Variants in CHODL observed in about 807,000 individuals in gnomAD.
CHODL encodes transmembrane protein MT75.
A neutral mutation model predicts 34.5 loss-of-function variants in CHODL; 29 were observed. The observed-to-expected ratio is 0.84, with a 90% CI of 0.63 to 1.15. The LOEUF (loss-of-function observed/expected upper bound fraction) is 1.15. Among genes scored for constraint, CHODL ranks in the 50% most tolerant of loss-of-function variants. The pLI is 0.00. For missense variants in CHODL, 332 were observed against 332.5 expected, an observed-to-expected ratio of 1.00 and a Z score of 0.01; for synonymous variants, 125 against 116.1, an observed-to-expected ratio of 1.08 and a Z score of -0.49.
chr21:18,248,498 T>C (rs2146787334), intron 1 of CHODL, among the ~76,000 whole-genome samples: 1 of 148,618 alleles, frequency 6.7e-6, no homozygotes, highest in South Asian at 2.1e-4. Context: ...CAACTGCTGT[T>C]TGTCATCATT....
Position 18,065,341 on chromosome 21 carries a change from C to T in CHODL, c.-45+37370C>T, listed in dbSNP as rs538158028. Among the ~76,000 whole-genome samples the T allele has an allele frequency of 2.4e-4, 36 of 152,248 alleles. No individual in the cohort carries two copies. The South Asian group carries it at 7.5e-3, about 32-fold the overall frequency. ...CTAAACCCTAACAGACTGCTTGGAC[C>T]ATAACATGCACCAAAAAATATTGTA... On this transcript the variant is annotated intron_variant, in intron 2 of 6. Transcript: ENST00000400127.
intron 2 of CHODL, among the ~76,000 whole-genome samples, chr21:18,084,468 C>T (rs977936705): frequency 1.3e-5 from 2 of 152,096 alleles, no homozygotes; most frequent in Non-Finnish European, 2.9e-5. Context: ...ATTGTGTTGT[C>T]AATTTAACTC....
At chr21:17,921,186 G>A (rs918787865) in intron 1 of CHODL, among the ~76,000 whole-genome samples, 3 of 152,202 alleles carry the variant, frequency 2.0e-5, no homozygotes, top group African/African-American at 7.2e-5. Context: ...GCTCAGGAGA[G>A]TCTATGATGC....
chr21:18,085,695 C>G (rs1367888517), intron 2 of CHODL, among the ~76,000 whole-genome samples: 1 of 152,268 alleles, frequency 6.6e-6, no homozygotes, highest in East Asian at 1.9e-4. Flanking sequence ...CTCTTCTAGC[C>G]TGGAGGTTTT....
Position 17,976,204 on chromosome 21 carries a change from G to A in CHODL, c.-144-51668G>A, listed in dbSNP as rs111569790. Among the ~76,000 whole-genome samples the A allele has an allele frequency of 2.2e-5, 3 of 137,942 alleles. No individual in the cohort carries two copies. In the South Asian group the frequency reaches 7.2e-4, roughly 33 times the overall value. 90.5% of individuals were successfully genotyped at this position (137,942 alleles called of 152,430 possible). ...GAGGATTGCTTGAGCCCAGGAGGCG[G>A]ATATTGCAGTGAGCCGAGATTGCAC... is the stretch of plus-strand genomic sequence containing the variant. On this transcript the variant is annotated intron_variant, in intron 1 of 6. Coordinates refer to the CHODL transcript ENST00000400127.
chr21:18,128,017 C>T (rs2072596694), intron 2 of CHODL, among the ~76,000 whole-genome samples: 1 of 151,876 alleles, frequency 6.6e-6, no homozygotes, highest in Admixed American at 6.6e-5. Context: ...AGAATCTAAA[C>T]AGGCAGGGCG....
intron 2 of CHODL, among the ~76,000 whole-genome samples, chr21:18,170,580 G>A (rs749687833): frequency 6.6e-6 from 1 of 151,908 alleles, no homozygotes; most frequent in Non-Finnish European, 1.5e-5. Flanking sequence ...TTTATTGGTT[G>A]TCCTGGGGAT....
intron 1 of CHODL, among the ~76,000 whole-genome samples, chr21:18,000,692 G>A (rs938827554): frequency 4.6e-5 from 7 of 152,102 alleles, no homozygotes; most frequent in Non-Finnish European, 1.0e-4. Context: ...TTTCCAAAAA[G>A]TGTTTCTCCT....
At chr21:17,923,844 A>C (rs950149092) in intron 1 of CHODL, among the ~76,000 whole-genome samples, 1 of 152,234 alleles carries the variant, frequency 6.6e-6, no homozygotes, top group Non-Finnish European at 1.5e-5. Context: ...AAAGGTGCCA[A>C]ACTACTCATG....
At chr21:18,002,986 G>C (rs1464221979) in intron 1 of CHODL, among the ~76,000 whole-genome samples, 1 of 152,088 alleles carries the variant, frequency 6.6e-6, no homozygotes, top group East Asian at 1.9e-4. Flanking sequence ...AGCCGGGCGA[G>C]GTGGCGGGCG....
At chr21:18,191,005 A>C (rs1392719917) in intron 2 of CHODL, among the ~76,000 whole-genome samples, 1 of 152,194 alleles carries the variant, frequency 6.6e-6, no homozygotes, top group African/African-American at 2.4e-5. Flanking sequence ...TACTGGCTCC[A>C]TGAGATATTT....
At chr21:17,963,076 T>A (rs28681648) in intron 1 of CHODL, among the ~76,000 whole-genome samples, 1,430 of 77,880 alleles carry the variant, frequency 0.018, 16 homozygotes, top group East Asian at 0.053. Flanking sequence ...AAAAAAAAAA[T>A]AATAATAATA....
At chr21:18,013,385 A>C (rs2064037197) in intron 1 of CHODL, among the ~76,000 whole-genome samples, 1 of 148,320 alleles carries the variant, frequency 6.7e-6, no homozygotes. Context: ...GGAATTTCCC[A>C]ATTGTACAGT....
At chr21:18,167,703 A>C (rs2073175837) in intron 2 of CHODL, among the ~76,000 whole-genome samples, 1 of 151,886 alleles carries the variant, frequency 6.6e-6, no homozygotes, top group Admixed American at 6.6e-5. Flanking sequence ...TTTTTCTTTT[A>C]TTTTTGTTAT....
chr21:17,940,900 G>A (rs1195346243), intron 1 of CHODL, among the ~76,000 whole-genome samples: 3 of 152,116 alleles, frequency 2.0e-5, no homozygotes, highest in Non-Finnish European at 2.9e-5. Flanking sequence ...ATACCATTTC[G>A]ATAAACCATC....
At chr21:17,925,858 AT>A (rs1209387037) in intron 1 of CHODL, among the ~76,000 whole-genome samples, 2 of 152,118 alleles carry the variant, frequency 1.3e-5, no homozygotes, top group Admixed American at 6.5e-5. Flanking sequence ...TTTATTGGTT[AT>A]TTTCAAAGTT....
chr21:18,062,204 A>AACC (rs1462261255), intron 2 of CHODL, among the ~76,000 whole-genome samples: 1 of 151,906 alleles, frequency 6.6e-6, no homozygotes, highest in Non-Finnish European at 1.5e-5. Context: ...GACAGGCAAC[A>AACC]GCCCAGACCT....
chr21:18,254,464 C>G (rs888653233), intron 1 of CHODL, among the ~76,000 whole-genome samples: 1 of 152,064 alleles, frequency 6.6e-6, no homozygotes, highest in Non-Finnish European at 1.5e-5. Context: ...GAAATAGTAA[C>G]AGAGAGGGAT....
At chr21:18,084,566 GTA>G (rs2064980446) in intron 2 of CHODL, among the ~76,000 whole-genome samples, 1 of 152,044 alleles carries the variant, frequency 6.6e-6, no homozygotes, top group African/African-American at 2.4e-5. Context: ...CTATGTATTT[GTA>G]TAGTTTGTGA....
Sources: gnomAD v4.1 joint callset for allele counts (sites outside exome capture counted in the v4.1 genomes callset) on GRCh38, gnomAD v4.1.1 for gene constraint, MANE v1.5 for transcripts, NCBI Gene and HGNC (gene_info 2026-07-23, HGNC 2026-07-21) for gene names.